Variants in ACTR10 observed in about 807,000 individuals in gnomAD.
ACTR10 encodes actin related protein 10.
A neutral mutation model predicts 56.2 loss-of-function variants in ACTR10; 43 were observed. That is an observed-to-expected ratio of 0.77 (90% CI 0.60 to 0.99). The LOEUF (loss-of-function observed/expected upper bound fraction) is 0.99, where lower values mean the gene tolerates loss of function less well. ACTR10 is among the 50% of genes least tolerant of loss of function. The pLI, the probability that ACTR10 is intolerant of heterozygous loss-of-function variation, is 0.00. For missense variants in ACTR10, 466 were observed against 507.8 expected, an observed-to-expected ratio of 0.92 and a Z score of 0.79; for synonymous variants, 170 against 176.3, an observed-to-expected ratio of 0.96 and a Z score of 0.28.
At chr14:58,223,944 T>C in intron 10 of ACTR10, 88 bp downstream of exon 10, 1 of 1,004,854 alleles carries the variant, frequency 1.0e-6, no homozygotes, top group Non-Finnish European at 1.5e-6. Flanking sequence ...TATTTCACTA[T>C]TGCCATTTTA....
rs1476900520 is a variant in ACTR10 at position 58,230,391 on chromosome 14, C to G, written c.789-8C>G. On this transcript the variant is annotated splice_region_variant and splice_polypyrimidine_tract_variant and intron_variant, in intron 10 of 12. Transcript: ENST00000254286. ...CAACAGAAAGCTCTCTTTTTCAAAT[C>G]CCATTAGAGATTCAGTTGTGGAAAT... 2.6e-6 allele frequency: 4 copies of G among 1,537,344 alleles called. No homozygotes were observed. The highest frequency in any genetic ancestry group is 4.2e-5 in the Admixed American group (2 of 47,884).
intron 3 of ACTR10, 61 bp from the exon 4 acceptor site, chr14:58,208,938 G>A (rs1594804984): frequency 3.6e-6 from 4 of 1,103,382 alleles, no homozygotes; most frequent in Non-Finnish European, 5.5e-6. Flanking sequence ...TTCTTAAATT[G>A]TATGACTTAA....
intron 7 of ACTR10, among the ~76,000 whole-genome samples, chr14:58,218,575 C>T (rs914392150): frequency 2.0e-5 from 3 of 151,552 alleles, no homozygotes; most frequent in African/African-American, 7.3e-5. Flanking sequence ...ATTAAATATG[C>T]TTTTTTTTAA....
chr14:58,222,186 C>T (rs527806598), intron 8 of ACTR10, among the ~76,000 whole-genome samples: 1 of 152,066 alleles, frequency 6.6e-6, no homozygotes, highest in Admixed American at 6.6e-5. Flanking sequence ...ATATGGCTAA[C>T]ATGCTTTACA....
chr14:58,211,748 A>G (rs1889000987), intron 5 of ACTR10, among the ~76,000 whole-genome samples: 1 of 152,106 alleles, frequency 6.6e-6, no homozygotes, highest in Non-Finnish European at 1.5e-5. Context: ...TGTTCGATCC[A>G]GAAAGATTTC....
At chr14:58,209,143 T>G (rs1888937223) in intron 4 of ACTR10, 36 bp downstream of exon 4, 1 of 1,398,542 alleles carries the variant, frequency 7.2e-7, no homozygotes, top group East Asian at 2.3e-5. Context: ...AAATTGCTTT[T>G]GAAATAAAAA....
intron 1 of ACTR10, among the ~76,000 whole-genome samples, chr14:58,201,674 T>C (rs928856840): frequency 1.3e-5 from 2 of 152,182 alleles, no homozygotes; most frequent in African/African-American, 4.8e-5. Flanking sequence ...GAAACAAAAA[T>C]GGAAATACCT....
intron 5 of ACTR10, chr14:58,213,165 G>C (rs1399498117): frequency 1.3e-5 from 2 of 152,280 alleles, no homozygotes; most frequent in African/African-American, 4.8e-5. Flanking sequence ...TAAAAGGCAT[G>C]AGAAAAGATG....
At chr14:58,213,724 T>G in intron 6 of ACTR10, 26 bp downstream of exon 6, 1 of 1,570,172 alleles carries the variant, frequency 6.4e-7, no homozygotes, top group South Asian at 1.1e-5. Flanking sequence ...TTTAACATAT[T>G]CATTTCACCT....
intron 8 of ACTR10, 79 bp downstream of exon 8, chr14:58,219,808 G>A (rs1889221591): frequency 1.2e-6 from 1 of 835,856 alleles, no homozygotes; most frequent in Non-Finnish European, 1.8e-6. Context: ...CATTTACACA[G>A]ATAGAAAATA....
intron 8 of ACTR10, among the ~76,000 whole-genome samples, chr14:58,223,232 G>T (rs1286359732): frequency 6.6e-6 from 1 of 152,138 alleles, no homozygotes; most frequent in Non-Finnish European, 1.5e-5. Flanking sequence ...CACCTCCCGG[G>T]TTCAAGCAAT....
chr14:58,202,163 C>T (rs1888726280), intron 1 of ACTR10, among the ~76,000 whole-genome samples: 1 of 151,928 alleles, frequency 6.6e-6, no homozygotes, highest in South Asian at 2.1e-4. Flanking sequence ...AATATGGAAG[C>T]TAACAATATT....
At chr14:58,222,152 ATT>A (rs1248005436) in intron 8 of ACTR10, among the ~76,000 whole-genome samples, 13 of 151,990 alleles carry the variant, frequency 8.6e-5, no homozygotes, top group African/African-American at 2.9e-4. Flanking sequence ...CATTATATAT[ATT>A]ATACACAATT....
chr14:58,223,923 G>T (rs891916604), intron 10 of ACTR10, 67 bp downstream of exon 10: 15 of 1,230,100 alleles, frequency 1.2e-5, no homozygotes, highest in Middle Eastern at 2.2e-4. Context: ...AAAAATATTT[G>T]TATGAGCCTT....
chr14:58,200,326 C>A (rs768827180), intron 1 of ACTR10, 32 bp downstream of exon 1: 1 of 1,467,570 alleles, frequency 6.8e-7, no homozygotes, highest in Non-Finnish European at 9.0e-7. Context: ...TGTGTTCGAC[C>A]CGAGGGGAGG....
intron 10 of ACTR10, among the ~76,000 whole-genome samples, chr14:58,224,989 C>CA (rs60590419): frequency 0.11 from 13,652 of 123,926 alleles, 861 homozygotes; most frequent in African/African-American, 0.21. Context: ...AACTCCATCT[C>CA]AAAAAAAAAA....
rs993238597 is a variant in ACTR10 at position 58,209,077 on chromosome 14, A to G, written c.312A>G (p.Thr104=). Residue 104 remains threonine (T), a synonymous_variant, in exon 4 of 13, where the codon ACA becomes ACG. Transcript: ENST00000254286. ...TATGTCCTTCTCACTTCAGAGAGAC[A>G]CTCACTCGTGTTCTTTTCAAATATT... ...SVLCPSHFRE[T]LTRVLFKYFE... 1 of 1,605,444 alleles carries G rather than the reference A, an allele frequency of 6.2e-7. No homozygotes were observed. Among genetic ancestry groups the G allele is most frequent in the Non-Finnish European group, 8.5e-7 (1 of 1,175,088 alleles).
Position 58,234,619 on chromosome 14 carries a change from G to A in ACTR10, c.*68G>A. ...ACCAATTATAAGCAAATTGTACAAA[G>A]TATGTAGGATGTTTTGTTATAGAGG... On this transcript the variant is annotated 3_prime_UTR_variant, in exon 13 of 13. Coordinates refer to ENST00000254286, the MANE Select transcript of ACTR10 (RefSeq NM_018477.3). The A allele has an allele frequency of 2.7e-6, 4 of 1,458,034 alleles. No individual in the cohort carries two copies. The highest frequency in any genetic ancestry group is 3.7e-6 in the Non-Finnish European group (4 of 1,067,700). The allele number at this position is 1,458,034 out of a possible 1,614,324, so 90.3% of individuals were successfully genotyped here.
At chr14:58,204,972 G>A (rs192519867) in intron 2 of ACTR10, among the ~76,000 whole-genome samples, 8 of 152,228 alleles carry the variant, frequency 5.3e-5, no homozygotes, top group African/African-American at 1.9e-4. Context: ...CTCACTCCCA[G>A]CACTTTGGGA....
Sources: gnomAD v4.1 joint callset for allele counts (sites outside exome capture counted in the v4.1 genomes callset) on GRCh38, gnomAD v4.1.1 for gene constraint, MANE v1.5 for transcripts, NCBI Gene and HGNC (gene_info 2026-07-23, HGNC 2026-07-21) for gene names.